CIT: variants seen among roughly 807,000 people sequenced by gnomAD.
The protein encoded by CIT is citron Rho-interacting kinase.
Under a neutral mutation model 272.7 loss-of-function variants are expected in CIT, and 79 were observed. The observed-to-expected ratio is 0.29, with a 90% CI of 0.24 to 0.35. The LOEUF (loss-of-function observed/expected upper bound fraction) is 0.35, where lower values mean the gene tolerates loss of function less well. Ranked by LOEUF, CIT falls within the 10% of genes least tolerant of loss-of-function variation. The probability of loss-of-function intolerance (pLI) is 1.00; values close to 1 mark genes in which losing one functional copy is unlikely to be tolerated. For synonymous variants in CIT, 948 were observed against 995.6 expected (o/e 0.95, Z 0.90); for missense variants, 1,909 against 2,618.3 (o/e 0.73, Z 5.91).
chr12:119,730,650 C>A lies in CIT; in HGVS notation c.3351-20G>T. 1.2e-6 allele frequency: 2 copies of A among 1,610,194 alleles called. No homozygotes were observed. Among genetic ancestry groups the A allele is most frequent in the South Asian group, 2.2e-5 (2 of 90,732 alleles). On this transcript the variant is annotated intron_variant, in intron 26 of 47. Coordinates refer to ENST00000392521, the MANE Select transcript of CIT (RefSeq NM_001206999.2). ...CTCGCCCTGCCAGAAAGACACAGGT[C>A]AGCTTTTGGTAGCCCCCCAACAGCT...
intron 10 of CIT, among the ~76,000 whole-genome samples, chr12:119,798,391 A>G (rs1965918535): frequency 6.6e-6 from 1 of 152,228 alleles, no homozygotes; most frequent in African/African-American, 2.4e-5. Context: ...ACATAACTTT[A>G]GGCAAGTTGT....
intron 7 of CIT, among the ~76,000 whole-genome samples, 174 bp from the exon 8 acceptor site, chr12:119,825,542 A>G (rs975239968): frequency 7.8e-5 from 2 of 25,730 alleles, no homozygotes; most frequent in Non-Finnish European, 1.7e-4. Context: ...TACTAATTTA[A>G]AAAAAAAAAA....
chr12:119,759,314 C>A (rs912724932), intron 20 of CIT, among the ~76,000 whole-genome samples: 1 of 152,316 alleles, frequency 6.6e-6, no homozygotes, highest in South Asian at 2.1e-4. Context: ...TCATGACCTG[C>A]GCAAGCGAGG....
At position 119,825,351 on chromosome 12, in the gene CIT, C is replaced by T. The variant is rs760427459; in HGVS notation, c.771G>A (p.Pro257=). ...GAGCCATGTAATCTGGGGTCCCAAT[C>T]GGGAGTTTGGCATTCACCTAGAATC... ...NSNKMVNAKL[P]IGTPDYMAPE... is the part of the protein sequence containing the mutation. The change falls in exon 8 of 48, where the codon CCG becomes CCA. Residue 257 remains proline (P), a synonymous_variant. Transcript: ENST00000392521. 1.3e-5 allele frequency: 21 copies of T among 1,613,812 alleles called. No individual in the cohort carries two copies. Among genetic ancestry groups the T allele is most frequent in the East Asian group, 2.2e-5 (1 of 44,852 alleles).
intron 26 of CIT, among the ~76,000 whole-genome samples, chr12:119,732,324 C>A (rs1958502329): frequency 6.6e-6 from 1 of 152,172 alleles, no homozygotes; most frequent in African/African-American, 2.4e-5. Flanking sequence ...ATAATTATAC[C>A]TTCCATGTAT....
At chr12:119,707,768 G>A (rs142929044) in intron 40 of CIT, among the ~76,000 whole-genome samples, 1,991 of 152,260 alleles carry the variant, frequency 0.013, 47 homozygotes, top group African/African-American at 0.046. Flanking sequence ...CCAAAGTGCT[G>A]GGATTACAGG....
At chr12:119,871,097 C>T (rs965947933) in intron 2 of CIT, among the ~76,000 whole-genome samples, 4 of 144,112 alleles carry the variant, frequency 2.8e-5, no homozygotes, top group East Asian at 2.1e-4. Context: ...CCAGCCTGGG[C>T]GACAGGGCGA....
rs144017408 is a variant in CIT at position 119,726,959 on chromosome 12, A to G, written c.3591+1543T>C. The stretch of plus-strand genomic sequence containing the variant: ...ACATTATTTTTAACTAAATTACCCA[A>G]TGTTCAAAAACCTTCATGAAATTTG... On this transcript the variant is annotated intron_variant, in intron 28 of 47. Transcript: ENST00000392521. 2.2e-4 allele frequency among the ~76,000 whole-genome samples: 33 copies of G among 152,342 alleles called. No homozygotes were observed. In the East Asian group the frequency reaches 5.0e-3, roughly 23 times the overall value.
chr12:119,797,537 T>C (rs1340695389), intron 10 of CIT, among the ~76,000 whole-genome samples: 2 of 152,206 alleles, frequency 1.3e-5, no homozygotes, highest in Non-Finnish European at 2.9e-5. Context: ...GCAATAACCA[T>C]GGGCAGAAGC....
intron 27 of CIT, among the ~76,000 whole-genome samples, 170 bp downstream of exon 27, chr12:119,730,324 CA>C (rs1958367278): frequency 6.6e-6 from 1 of 152,100 alleles, no homozygotes; most frequent in Non-Finnish European, 1.5e-5. Flanking sequence ...ACGCTACTGC[CA>C]ACCAAAAATG....
At chr12:119,760,902 T>G (rs766799324) in intron 20 of CIT, 37 bp downstream of exon 20, 3 of 1,349,532 alleles carry the variant, frequency 2.2e-6, no homozygotes, top group Non-Finnish European at 3.2e-6. Flanking sequence ...TCAAAAACCC[T>G]CCTTTGAACA....
chr12:119,741,102 A>ATT (rs1203206755), intron 24 of CIT, among the ~76,000 whole-genome samples: 1 of 152,204 alleles, frequency 6.6e-6, no homozygotes, highest in African/African-American at 2.4e-5. Context: ...AACAAGGAGA[A>ATT]TGGATAAACA....
intron 46 of CIT, among the ~76,000 whole-genome samples, chr12:119,696,816 C>T (rs987497907): frequency 1.3e-5 from 2 of 152,040 alleles, no homozygotes; most frequent in Non-Finnish European, 2.9e-5. Context: ...TGTGAGCCAC[C>T]GCACCACCTC....
In CIT at chr12:119,713,682, C is replaced by A. The variant is rs765602442; in HGVS notation, c.4307-34G>T. ...GAACAGTGAGCAACCTGAGGGCATG[C>A]TCAGCTGACCCTGGACCCTTCCCTT... is the stretch of plus-strand genomic sequence containing the variant. On this transcript the variant is annotated intron_variant, in intron 33 of 47. Transcript: ENST00000392521. This position sits in a 1 kb window ranked among gnomAD's most constrained non-coding sequence, Gnocchi z 5.2. 6.2e-7 allele frequency: 1 copy of A among 1,609,922 alleles called. No homozygotes were observed. Among genetic ancestry groups the A allele is most frequent in the Non-Finnish European group, 8.5e-7 (1 of 1,176,198 alleles).
chr12:119,747,750 G>C (rs983577057), intron 23 of CIT, among the ~76,000 whole-genome samples: 3 of 152,250 alleles, frequency 2.0e-5, no homozygotes, highest in East Asian at 1.9e-4. Flanking sequence ...AATTAAGACA[G>C]ATATTTTTCA....
At chr12:119,773,806 TTTGA>T (rs1046150941) in intron 16 of CIT, among the ~76,000 whole-genome samples, 13 of 151,648 alleles carry the variant, frequency 8.6e-5, no homozygotes, top group South Asian at 6.2e-4. Context: ...TCCCTCACAC[TTTGA>T]TTGGAGAGCA....
At chr12:119,773,014 T>TAAAAA in intron 16 of CIT, 104 bp from the exon 17 acceptor site, 2 of 579,494 alleles carry the variant, frequency 3.5e-6, no homozygotes, top group Non-Finnish European at 4.8e-6. Context: ...AAGTATAATC[T>TAAAAA]AAAAAAAAAA....
chr12:119,725,467 T>A (rs1156359803), intron 28 of CIT, among the ~76,000 whole-genome samples: 2 of 152,106 alleles, frequency 1.3e-5, no homozygotes, highest in Non-Finnish European at 1.5e-5. Context: ...TCTCCGCACC[T>A]ACGAAGAGGA....
intron 13 of CIT, among the ~76,000 whole-genome samples, chr12:119,777,800 C>A (rs905671887): frequency 6.6e-6 from 1 of 151,688 alleles, no homozygotes; most frequent in African/African-American, 2.4e-5. Flanking sequence ...CACAGGAGAG[C>A]CAAAAGGGAT....
Sources: gnomAD v4.1 joint callset for allele counts (sites outside exome capture counted in the v4.1 genomes callset) on GRCh38, gnomAD v4.1.1 for gene constraint, Gnocchi (gnomAD v3.1) non-coding constraint, MANE v1.5 for transcripts, NCBI Gene and HGNC (gene_info 2026-07-23, HGNC 2026-07-21) for gene names.